Variants in MED12L observed in about 807,000 individuals in gnomAD.
MED12L encodes the protein mediator complex subunit 12L, also known as mediator of RNA polymerase II transcription subunit 12-like protein.
Under a neutral mutation model 281.3 loss-of-function variants are expected in MED12L, and 60 were observed. The ratio of observed to expected loss-of-function variants is 0.21; its 90% CI spans 0.17 to 0.26. The LOEUF (loss-of-function observed/expected upper bound fraction) is 0.26, where lower values mean the gene tolerates loss of function less well. Among genes scored for constraint, MED12L ranks in the 10% least tolerant of loss-of-function variants. MED12L has a pLI of 1.00. For synonymous variants in MED12L, 974 were observed against 987.2 expected (o/e 0.99, Z 0.25); for missense variants, 2,146 against 2,680.9 (o/e 0.80, Z 4.41).
chr3:151,194,123 GC>G (rs1559862395), intron 16 of MED12L, among the ~76,000 whole-genome samples: 1 of 151,772 alleles, frequency 6.6e-6, no homozygotes, highest in African/African-American at 2.4e-5. Flanking sequence ...CTGCCACCAC[GC>G]CTGGCTAATT....
chr3:151,104,440 A>G (rs1291262323), intron 2 of MED12L, among the ~76,000 whole-genome samples: 1 of 152,204 alleles, frequency 6.6e-6, no homozygotes, highest in Non-Finnish European at 1.5e-5. Context: ...AGGAGCTCCA[A>G]GTAGAAATCA....
At chr3:151,313,076 C>T (rs923669629) in intron 16 of MED12L, among the ~76,000 whole-genome samples, 14 of 152,158 alleles carry the variant, frequency 9.2e-5, no homozygotes, top group Non-Finnish European at 1.3e-4. Context: ...TATGTGCTGT[C>T]GCTGGAGTGC....
intron 32 of MED12L, among the ~76,000 whole-genome samples, chr3:151,381,265 C>G (rs1463725577): frequency 6.6e-6 from 1 of 152,156 alleles, no homozygotes; most frequent in Non-Finnish European, 1.5e-5. Flanking sequence ...GACACTTAAT[C>G]TTATTTGATC....
intron 16 of MED12L, chr3:151,336,890 C>T (rs1751068134): frequency 5.9e-6 from 1 of 169,452 alleles, no homozygotes; most frequent in South Asian, 1.4e-4. Context: ...CACACCAATA[C>T]AAACAAGTAA....
chr3:151,232,907 G>T (rs372008713), intron 16 of MED12L, among the ~76,000 whole-genome samples: 5 of 152,290 alleles, frequency 3.3e-5, no homozygotes, highest in African/African-American at 1.2e-4. Context: ...ACCTTCAGAT[G>T]TACCCTTGAA....
At chr3:151,306,026 T>C (rs1746591334) in intron 16 of MED12L, among the ~76,000 whole-genome samples, 2 of 152,198 alleles carry the variant, frequency 1.3e-5, no homozygotes. Flanking sequence ...TTGACATCCC[T>C]GGGCCACCTC....
At chr3:151,168,396 A>G (rs1298093168) in intron 11 of MED12L, among the ~76,000 whole-genome samples, 1 of 152,196 alleles carries the variant, frequency 6.6e-6, no homozygotes, top group Non-Finnish European at 1.5e-5. Flanking sequence ...TGTGTGGGAA[A>G]TGTTTGGAAA....
intron 43 of MED12L, among the ~76,000 whole-genome samples, chr3:151,417,487 C>CCCCCTTTT (rs1717736742): frequency 3.8e-5 from 3 of 78,818 alleles, no homozygotes; most frequent in Non-Finnish European, 4.6e-5. Flanking sequence ...CCCCCCCCGC[C>CCCCCTTTT]TTTTTTTTTT....
chr3:151,188,268 T>G (rs755987494), intron 12 of MED12L, 86 bp from the exon 13 acceptor site: 8 of 1,079,838 alleles, frequency 7.4e-6, no homozygotes, highest in African/African-American at 1.6e-5. Context: ...CCTGAGCACT[T>G]AAATGCCAAT....
chr3:151,359,930 T>C (rs185126371), intron 20 of MED12L, among the ~76,000 whole-genome samples: 1 of 152,238 alleles, frequency 6.6e-6, no homozygotes, highest in East Asian at 1.9e-4. Flanking sequence ...TTTATCTTCT[T>C]ATATAAGATA....
intron 2 of MED12L, among the ~76,000 whole-genome samples, chr3:151,114,681 T>C (rs1043380682): frequency 6.6e-6 from 1 of 152,170 alleles, no homozygotes; most frequent in Non-Finnish European, 1.5e-5. Context: ...CTCCCTCTTA[T>C]TCTTTCAGGT....
rs542533623 is a variant in MED12L, at chr3:151,161,116, T to TTG, written c.1107+1019_1107+1020dup. 3.9e-5 allele frequency among the ~76,000 whole-genome samples: 6 copies of TTG among 152,280 alleles called. No homozygotes were observed. The South Asian group carries it at 1.2e-3, about 32-fold the overall frequency. On this transcript the variant is annotated intron_variant, in intron 8 of 44. Transcript: ENST00000687756. The stretch of plus-strand genomic sequence containing the variant: ...TTATGCAGCAAAGTGACACAGGTAG[T>TTG]TGTGTAATTGTCGTTAGATTGATTG...
At chr3:151,416,943 C>T (rs1048745502) in intron 43 of MED12L, among the ~76,000 whole-genome samples, 1 of 152,166 alleles carries the variant, frequency 6.6e-6, no homozygotes, top group African/African-American at 2.4e-5. Context: ...ATGTCATATG[C>T]ATAGCCATCA....
chr3:151,416,239 A>G, intron 42 of MED12L, 73 bp from the exon 43 acceptor site: 1 of 1,611,558 alleles, frequency 6.2e-7, no homozygotes, highest in Non-Finnish European at 8.5e-7. Context: ...TAAAAGGTAT[A>G]TGGGGGAAAC....
rs140379134 is a variant in MED12L at position 151,086,829 on chromosome 3, A to C, written c.-98A>C. ...AGCGAGCGAGCGAGCGAGGAGGGGG[A>C]GAGAGGGAGTCTGTCTGCAAAGTGC... On this transcript the variant is annotated 5_prime_UTR_variant, in exon 2 of 45. Transcript: ENST00000687756. 6.8e-6 allele frequency: 6 copies of C among 888,800 alleles called. No homozygotes were observed. The highest frequency in any genetic ancestry group is 1.0e-5 in the Non-Finnish European group (6 of 588,218). 55.1% of individuals were successfully genotyped at this position (888,800 alleles called of 1,614,324 possible). A position where few individuals can be genotyped will look rare whatever the true frequency, so the allele number is the denominator to read the frequency against.
intron 27 of MED12L, 149 bp from the exon 28 acceptor site, chr3:151,375,877 A>T (rs879821356): frequency 2.1e-6 from 1 of 469,092 alleles, no homozygotes; most frequent in Non-Finnish European, 3.4e-6. Context: ...GTTTTTTAAA[A>T]TTTTTCTACC....
chr3:151,404,424 A>G (rs1031956991), intron 39 of MED12L, among the ~76,000 whole-genome samples: 9 of 152,234 alleles, frequency 5.9e-5, no homozygotes, highest in Non-Finnish European at 1.2e-4. Context: ...TTTTAAAAGT[A>G]TCAAGCATAA....
At chr3:151,333,072 G>T (rs780072362) in intron 16 of MED12L, among the ~76,000 whole-genome samples, 1 of 152,124 alleles carries the variant, frequency 6.6e-6, no homozygotes, top group Non-Finnish European at 1.5e-5. Flanking sequence ...CAAAGGACAC[G>T]ATCTCTTTCT....
chr3:151,319,552 G>C (rs1748743755), intron 16 of MED12L, among the ~76,000 whole-genome samples: 1 of 150,988 alleles, frequency 6.6e-6, no homozygotes, highest in Admixed American at 6.6e-5. Context: ...TTTTATACTA[G>C]GGTGATTTTT....
Sources: gnomAD v4.1 joint callset for allele counts (sites outside exome capture counted in the v4.1 genomes callset) on GRCh38, gnomAD v4.1.1 for gene constraint, MANE v1.5 for transcripts, NCBI Gene and HGNC (gene_info 2026-07-23, HGNC 2026-07-21) for gene names.